Variants in ARHGEF18 observed in about 807,000 individuals in gnomAD.
ARHGEF18 encodes the protein rho guanine nucleotide exchange factor 18.
ARHGEF18 carries 93 observed loss-of-function variants against 155.7 expected under a neutral mutation model. That is an observed-to-expected ratio of 0.60 (90% CI 0.50 to 0.71). The LOEUF is 0.71. ARHGEF18 is among the 30% of genes least tolerant of loss of function. ARHGEF18 has a pLI of 0.00. For synonymous variants in ARHGEF18, 742 were observed against 753.1 expected (o/e 0.99, Z 0.24); for missense variants, 1,593 against 1,816.1 (o/e 0.88, Z 2.23).
intron 15 of ARHGEF18, among the ~76,000 whole-genome samples, chr19:7,448,670 A>C (rs1384239174): frequency 1.3e-5 from 2 of 150,732 alleles, no homozygotes; most frequent in African/African-American, 4.9e-5. Context: ...TCAAAAAAAT[A>C]CAAAAAAAAA....
Position 7,467,071 on chromosome 19 carries a change from C to T in ARHGEF18, c.2962C>T (p.Leu988Phe). The T allele has an allele frequency of 6.2e-7, 1 of 1,609,140 alleles. No homozygotes were observed. The highest frequency in any genetic ancestry group is 8.5e-7 in the Non-Finnish European group (1 of 1,176,644). ...PRLPTVLESE[L>F]VQRIQTLSQL... is the part of the protein sequence containing the mutation. Reference sequence around the variant, plus strand: ...ATCAATCTCCCTCTCCTCTCCGCAGCTTGTCCAGCGGATCCAGACACTGTC... The same window carrying T: ...ATCAATCTCCCTCTCCTCTCCGCAGTTTGTCCAGCGGATCCAGACACTGTC... Residue 988 changes from leucine to phenylalanine, a missense_variant and splice_region_variant, in exon 25 of 29, where the codon CTT becomes TTT. Physicochemically the swap from Leu to Phe is conservative, Grantham distance 22. Transcript: ENST00000668164.
At chr19:7,406,734 C>G (rs932584247) in intron 10 of ARHGEF18, among the ~76,000 whole-genome samples, 2 of 152,068 alleles carry the variant, frequency 1.3e-5, no homozygotes, top group African/African-American at 4.8e-5. Context: ...ATTTTCCTAG[C>G]GTAGGAGCTG....
intron 2 of ARHGEF18, among the ~76,000 whole-genome samples, chr19:7,371,530 A>G (rs376369072): frequency 6.6e-6 from 1 of 152,272 alleles, no homozygotes; most frequent in South Asian, 2.1e-4. Context: ...TAAAAAATAT[A>G]TAAAAATTCA....
the ARHGEF18 span, among the ~76,000 whole-genome samples, chr19:7,478,534 G>A: frequency 6.6e-6 from 1 of 152,234 alleles, no homozygotes; most frequent in African/African-American, 2.4e-5. Context: ...TCCTGGCTGT[G>A]CCTCATGCTC....
downstream of ARHGEF18, among the ~76,000 whole-genome samples, chr19:7,475,868 G>C (rs1387667496): frequency 6.6e-6 from 1 of 152,200 alleles, no homozygotes; most frequent in Non-Finnish European, 1.5e-5. Flanking sequence ...CCTCTGCTGA[G>C]GGCCAGGACA....
chr19:7,404,770 C>T (rs138782543), intron 10 of ARHGEF18, among the ~76,000 whole-genome samples: 3 of 152,162 alleles, frequency 2.0e-5, no homozygotes, highest in Non-Finnish European at 2.9e-5. Flanking sequence ...CTGGAAGGTT[C>T]GCCTGATGGT....
At chr19:7,382,001 T>A (rs1970769563) in intron 8 of ARHGEF18, among the ~76,000 whole-genome samples, 1 of 152,208 alleles carries the variant, frequency 6.6e-6, no homozygotes, top group African/African-American at 2.4e-5. Context: ...GTCTGCCTTA[T>A]ATGTCACTGA....
intron 14 of ARHGEF18, 126 bp from the exon 15 acceptor site, chr19:7,446,917 A>T: frequency 2.4e-6 from 3 of 1,234,876 alleles, no homozygotes; most frequent in African/African-American, 1.6e-5. Context: ...AAAAAGAAGA[A>T]GAAAGAAAGA....
At chr19:7,412,527 A>C (rs1184006123) in intron 10 of ARHGEF18, among the ~76,000 whole-genome samples, 1 of 151,792 alleles carries the variant, frequency 6.6e-6, no homozygotes, top group East Asian at 2.0e-4. Flanking sequence ...GGATCACCTG[A>C]GGTCAGGAGT....
At chr19:7,455,747 G>C (rs1409474904) in intron 17 of ARHGEF18, among the ~76,000 whole-genome samples, 1 of 152,242 alleles carries the variant, frequency 6.6e-6, no homozygotes, top group African/African-American at 2.4e-5. Flanking sequence ...CACCTGTGGG[G>C]GAAGGCCTCA....
At chr19:7,365,243 G>A (rs1303729644) in intron 2 of ARHGEF18, among the ~76,000 whole-genome samples, 2 of 152,066 alleles carry the variant, frequency 1.3e-5, no homozygotes, top group African/African-American at 2.4e-5. Context: ...CCTGAGCAAC[G>A]GGGTGAAACC....
At position 7,375,846 on chromosome 19, in the gene ARHGEF18, G is replaced by A. The variant is rs963054080; in HGVS notation, c.402G>A (p.Gly134=). 5.1e-5 allele frequency: 63 copies of A among 1,234,320 alleles called. No homozygotes were observed. Among genetic ancestry groups the A allele is most frequent in the Non-Finnish European group, 6.0e-5 (59 of 988,244 alleles). The allele number at this position is 1,234,320 out of a possible 1,614,324, so 76.5% of individuals were successfully genotyped here. A position where few individuals can be genotyped will look rare whatever the true frequency, so the allele number is the denominator to read the frequency against. ...CTCAAGGGTGTCTCTCTGGGGGCGG[G>A]ACCCCCGCAGAGAGCCCAGGCAAGG... is the stretch of plus-strand genomic sequence containing the variant. The part of the protein sequence containing the change: ...TWTQGCLSGG[G]TPAESPGKEC... Residue 134 remains glycine (G), a synonymous_variant, in exon 4 of 29, where the codon GGG becomes GGA. Transcript: ENST00000668164.
At chr19:7,436,610 G>A (rs778360724) in intron 10 of ARHGEF18, among the ~76,000 whole-genome samples, 5 of 152,056 alleles carry the variant, frequency 3.3e-5, no homozygotes, top group African/African-American at 4.8e-5. Context: ...TTCTTCTATG[G>A]ACTATTGTAT....
rs1019303850 is a variant in ARHGEF18, at chr19:7,440,763, C to T, written c.1106+281C>T. Among the ~76,000 whole-genome samples the T allele has an allele frequency of 6.6e-6, 1 of 152,156 alleles. No individual in the cohort carries two copies. The highest frequency in any genetic ancestry group is 1.5e-5 in the Non-Finnish European group (1 of 68,030). ...CTCCTTAGGCCGGGCTCCTGACTTA[C>T]TCAAGGCGATGCTCAAAGTCCTGCT... On this transcript the variant is annotated intron_variant, in intron 11 of 28. Transcript: ENST00000668164. The surrounding 1 kb of genome is among the most constrained non-coding windows in gnomAD (Gnocchi z 5.4).
intron 1 of ARHGEF18, among the ~76,000 whole-genome samples, chr19:7,351,133 T>A (rs1969146814): frequency 6.6e-6 from 1 of 152,080 alleles, no homozygotes; most frequent in Non-Finnish European, 1.5e-5. Context: ...GAGATCTTAG[T>A]GCAGTGTCTG....
chr19:7,375,222 C>T (rs1267626445), intron 3 of ARHGEF18, among the ~76,000 whole-genome samples: 42 of 142,130 alleles, frequency 3.0e-4, no homozygotes, highest in African/African-American at 8.3e-4. Context: ...CAGTGAGCTG[C>T]GATCGTGCCA....
intron 2 of ARHGEF18, among the ~76,000 whole-genome samples, chr19:7,369,939 G>T (rs1329776676): frequency 2.0e-5 from 3 of 152,066 alleles, no homozygotes; most frequent in Non-Finnish European, 4.4e-5. Flanking sequence ...GCTCACGCTT[G>T]TAACCCCAGC....
rs781185149 is a variant in ARHGEF18 at position 7,460,014 on chromosome 19, T to A, written c.2452+20T>A. The A allele has an allele frequency of 1.2e-5, 18 of 1,557,116 alleles. No individual in the cohort carries two copies. Among genetic ancestry groups the A allele is most frequent in the Non-Finnish European group, 1.6e-5 (18 of 1,150,172 alleles). On this transcript the variant is annotated intron_variant, in intron 20 of 28. Transcript: ENST00000668164. Reference sequence around the variant, plus strand: ...TTCAAGGTGAGCGGGAGACAGCGTCTGGGCACACCCCTTGTGTGGTGAGCC... The same window carrying A: ...TTCAAGGTGAGCGGGAGACAGCGTCAGGGCACACCCCTTGTGTGGTGAGCC...
At chr19:7,415,799 C>T (rs1040553017) in intron 10 of ARHGEF18, among the ~76,000 whole-genome samples, 11 of 152,122 alleles carry the variant, frequency 7.2e-5, no homozygotes, top group Admixed American at 3.3e-4. Context: ...TTGGGATTTG[C>T]AGAGTCAGTG....
Sources: gnomAD v4.1 joint callset for allele counts (sites outside exome capture counted in the v4.1 genomes callset) on GRCh38, gnomAD v4.1.1 for gene constraint, Gnocchi (gnomAD v3.1) non-coding constraint, MANE v1.5 for transcripts, NCBI Gene and HGNC (gene_info 2026-07-23, HGNC 2026-07-21) for gene names.